ASH1L: variants seen among roughly 807,000 people sequenced by gnomAD.
The protein encoded by ASH1L is histone-lysine N-methyltransferase ASH1L.
Under a neutral mutation model 269.0 loss-of-function variants are expected in ASH1L, and 23 were observed. The ratio of observed to expected loss-of-function variants is 0.09; its 90% CI spans 0.06 to 0.12. ASH1L has a LOEUF of 0.12. ASH1L is among the 10% of genes least tolerant of loss of function. The pLI is 1.00. For missense variants in ASH1L, 2,912 were observed against 3,567.8 expected (o/e 0.82, Z 4.68); for synonymous variants, 1,187 against 1,253.5 (o/e 0.95, Z 1.12).
intron 4 of ASH1L, among the ~76,000 whole-genome samples, chr1:155,453,977 C>T (rs535196124): frequency 2.0e-5 from 3 of 151,968 alleles, no homozygotes; most frequent in Non-Finnish European, 2.9e-5. Flanking sequence ...TGGTGGCAGG[C>T]GCCCGTAGTC....
chr1:155,391,116 T>C (rs566171764), intron 7 of ASH1L, among the ~76,000 whole-genome samples: 3 of 152,284 alleles, frequency 2.0e-5, no homozygotes, highest in Admixed American at 6.5e-5. Flanking sequence ...TGGCTAATTT[T>C]TGTATTTTTG....
intron 6 of ASH1L, among the ~76,000 whole-genome samples, chr1:155,413,081 C>T (rs1284273975): frequency 6.6e-6 from 1 of 152,008 alleles, no homozygotes; most frequent in African/African-American, 2.4e-5. Context: ...TATATTTCTG[C>T]TCTATTTAGC....
Position 155,478,125 on chromosome 1 carries a change from C to G in ASH1L, c.4745G>C (p.Ser1582Thr). 6.2e-7 allele frequency: 1 copy of G among 1,613,986 alleles called. No individual in the cohort carries two copies. The change falls in exon 3 of 28, where the codon AGT (serine) becomes ACT (threonine). Residue 1582 changes from serine to threonine, a missense_variant. This residue lies in a region of ASH1L where 789 missense variants were observed against 897.6 expected (regional missense o/e 0.88). Coordinates refer to ENST00000392403, the MANE Select transcript of ASH1L (RefSeq NM_018489.3). This position sits in a 1 kb window ranked among gnomAD's most constrained non-coding sequence, Gnocchi z 4.6. ...QTPLQIDCSE[S>T]SPSLSLGGFT... Reference sequence around the variant, plus strand: ...TCCTCCAAGGGATAAGCTTGGAGAACTTTCTGAACAGTCAATCTGTAAAGG... The same window carrying G: ...TCCTCCAAGGGATAAGCTTGGAGAAGTTTCTGAACAGTCAATCTGTAAAGG...
intron 2 of ASH1L, among the ~76,000 whole-genome samples, chr1:155,496,880 G>A (rs546636331): frequency 4.6e-5 from 7 of 151,694 alleles, no homozygotes; most frequent in East Asian, 1.9e-4. Context: ...TCCCGGGCTC[G>A]GGCAATTCTC....
chr1:155,438,040 G>A (rs1354758477), intron 5 of ASH1L, among the ~76,000 whole-genome samples: 1 of 152,010 alleles, frequency 6.6e-6, no homozygotes, highest in African/African-American at 2.4e-5. Flanking sequence ...GTAGAGAAAG[G>A]GTTTACCATG....
At chr1:155,457,361 C>T (rs572516198) in intron 4 of ASH1L, among the ~76,000 whole-genome samples, 2 of 152,314 alleles carry the variant, frequency 1.3e-5, no homozygotes, top group East Asian at 3.9e-4. Flanking sequence ...CCTTTTCCAA[C>T]CACCATCACC....
intron 15 of ASH1L, among the ~76,000 whole-genome samples, chr1:155,355,069 T>C (rs1654256237): frequency 6.6e-6 from 1 of 152,170 alleles, no homozygotes; most frequent in South Asian, 2.1e-4. Flanking sequence ...TACTACTTTT[T>C]TTTTGAGTCG....
At chr1:155,453,500 A>G (rs1305022318) in intron 4 of ASH1L, among the ~76,000 whole-genome samples, 1 of 152,208 alleles carries the variant, frequency 6.6e-6, no homozygotes, top group African/African-American at 2.4e-5. Flanking sequence ...AACAGTAACA[A>G]CAGAAGTTAC....
rs562969406 is a variant in ASH1L, at chr1:155,346,961, T to G, written c.7804-492A>C. Among the ~76,000 whole-genome samples the G allele has an allele frequency of 3.4e-3, 520 of 152,356 alleles. 1 individual carries two copies. The highest frequency in any genetic ancestry group is 6.2e-3 in the Non-Finnish European group (420 of 68,038). ...TGACTTCTTCATCAGGAGCCCTACA[T>G]GTATTAACATATTTCACTCTATCAG... On this transcript the variant is annotated intron_variant, in intron 20 of 27. Transcript: ENST00000392403.
At chr1:155,435,517 A>C (rs1662016656) in intron 5 of ASH1L, among the ~76,000 whole-genome samples, 1 of 152,190 alleles carries the variant, frequency 6.6e-6, no homozygotes, top group African/African-American at 2.4e-5. Flanking sequence ...TTTTACTTTT[A>C]AATCAGTAAA....
intron 1 of ASH1L, among the ~76,000 whole-genome samples, chr1:155,544,068 C>T (rs1367077070): frequency 6.6e-6 from 1 of 151,984 alleles, no homozygotes; most frequent in African/African-American, 2.4e-5. Context: ...TTACTGTACC[C>T]TCAAGCTACT....
At chr1:155,362,250 G>A (rs1369844333) in intron 12 of ASH1L, among the ~76,000 whole-genome samples, 3 of 151,534 alleles carry the variant, frequency 2.0e-5, no homozygotes, top group East Asian at 1.9e-4. Context: ...TGGCCAGTAC[G>A]GTCTCAATCT....
chr1:155,374,604 A>G (rs1442356314), intron 10 of ASH1L, among the ~76,000 whole-genome samples: 2 of 152,294 alleles, frequency 1.3e-5, no homozygotes, highest in East Asian at 1.9e-4. Flanking sequence ...TCTTTGGTAC[A>G]TGAATATTAT....
intron 5 of ASH1L, among the ~76,000 whole-genome samples, chr1:155,437,692 T>C (rs1047959353): frequency 1.3e-5 from 2 of 152,184 alleles, no homozygotes; most frequent in African/African-American, 4.8e-5. Context: ...ACCCCAGGTA[T>C]CCATCAATGG....
At position 155,441,147 on chromosome 1, in the gene ASH1L, G is replaced by A. The variant is rs77129177; in HGVS notation, c.5087-2079C>T. Among the ~76,000 whole-genome samples the A allele has an allele frequency of 3.9e-5, 6 of 152,274 alleles. No individual in the cohort carries two copies. In the East Asian group the frequency reaches 5.8e-4, roughly 15 times the overall value. ...ATTCCTTGTGGGGCTATTAAAATAC[G>A]TACATTAATCTCTTGAAGTTTCCCT... is the stretch of plus-strand genomic sequence containing the variant. On this transcript the variant is annotated intron_variant, in intron 4 of 27. Transcript: ENST00000392403.
chr1:155,459,693 T>C (rs1190175037), intron 4 of ASH1L, 104 bp downstream of exon 4: 7 of 861,974 alleles, frequency 8.1e-6, no homozygotes, highest in Non-Finnish European at 1.3e-5. Flanking sequence ...AAATACCATA[T>C]ATGATACAGT....
chr1:155,551,810 A>AT (rs1351174056), intron 1 of ASH1L, among the ~76,000 whole-genome samples: 2 of 142,414 alleles, frequency 1.4e-5, no homozygotes, highest in African/African-American at 5.2e-5. Flanking sequence ...TCTACTAAAG[A>AT]TAAAAAAAAA....
At chr1:155,441,544 G>C (rs895670089) in intron 4 of ASH1L, among the ~76,000 whole-genome samples, 3 of 126,376 alleles carry the variant, frequency 2.4e-5, no homozygotes, top group Non-Finnish European at 4.7e-5. Flanking sequence ...CTCACTGCAA[G>C]CTCCACCTCC....
intron 8 of ASH1L, 24 bp downstream of exon 8, chr1:155,380,019 C>T (rs1236797996): frequency 1.3e-6 from 2 of 1,555,138 alleles, no homozygotes; most frequent in Non-Finnish European, 8.9e-7. Flanking sequence ...AAGAATGAAA[C>T]CTGGTAAAAC....
Sources: allele counts gnomAD v4.1 joint callset (sites outside exome capture counted in the v4.1 genomes callset), GRCh38; gene constraint gnomAD v4.1.1; regional missense constraint gnomAD v4.1.1; non-coding constraint Gnocchi (gnomAD v3.1); transcripts MANE v1.5; gene names NCBI Gene and HGNC (gene_info 2026-07-23, HGNC 2026-07-21).